Variants in NFIB observed in about 807,000 individuals in gnomAD.
NFIB encodes the protein nuclear factor I B.
A neutral mutation model predicts 61.5 loss-of-function variants in NFIB; 11 were observed. That is an observed-to-expected ratio of 0.18 (90% CI 0.11 to 0.30). The LOEUF is 0.30. NFIB is among the 10% of genes least tolerant of loss of function. NFIB has a pLI of 1.00. For missense variants in NFIB, 471 were observed against 608.9 expected (o/e 0.77, Z 2.38); for synonymous variants, 260 against 216.5 (o/e 1.20, Z -1.76).
intron 5 of NFIB, among the ~76,000 whole-genome samples, chr9:14,148,660 T>G (rs1587037477): frequency 6.6e-6 from 1 of 152,104 alleles, no homozygotes; most frequent in African/African-American, 2.4e-5. Context: ...AGACATAAGG[T>G]AAGGACGTCT....
chr9:14,366,678 G>C (rs2061303686), intron 1 of NFIB, among the ~76,000 whole-genome samples: 1 of 151,972 alleles, frequency 6.6e-6, no homozygotes, highest in South Asian at 2.1e-4. Context: ...GTAGAGATGG[G>C]TTTCACCATG....
At chr9:14,315,324 G>A (rs2060490623), upstream of NFIB, among the ~76,000 whole-genome samples, 1 of 150,954 alleles carries the variant, frequency 6.6e-6, no homozygotes, top group Admixed American at 6.6e-5. Flanking sequence ...CGTGCACGTG[G>A]CCTCGCTCTG....
At position 14,125,764 on chromosome 9, in the gene NFIB, T is replaced by A; in HGVS notation, c.928A>T (p.Met310Leu). Residue 310 changes from methionine (M) to leucine (L), a missense_variant and splice_region_variant, in exon 7 of 11, where the codon ATG becomes TTG. Met to Leu is a conservative substitution (Grantham distance 15). This residue lies in a region of NFIB where 372 missense variants were observed against 395.6 expected (regional missense o/e 0.94). Transcript: ENST00000380953. ...TTCTTCATAGTAGTCGGAGAAGACA[T>A]ATCTGCGAGAAACAGAGAAAAACCC... ...SRTWHERDQD[M>L]SSPTTMKKPE... 1 of 1,613,778 alleles carries A rather than the reference T, an allele frequency of 6.2e-7. No individual in the cohort carries two copies. Among genetic ancestry groups the A allele is most frequent in the Non-Finnish European group, 8.5e-7 (1 of 1,179,902 alleles).
chr9:14,422,516 G>T, the NFIB span, among the ~76,000 whole-genome samples: 2 of 152,140 alleles, frequency 1.3e-5, no homozygotes, highest in Non-Finnish European at 2.9e-5. Context: ...TCAATTGCAC[G>T]TGATAAGCAT....
intron 1 of NFIB, among the ~76,000 whole-genome samples, chr9:14,390,331 C>T (rs73419665): frequency 6.6e-6 from 1 of 152,200 alleles, no homozygotes; most frequent in African/African-American, 2.4e-5. Context: ...ACTTCCATAC[C>T]TGATGCCCAG....
At chr9:14,295,811 G>C (rs920478578) in intron 2 of NFIB, among the ~76,000 whole-genome samples, 2 of 152,260 alleles carry the variant, frequency 1.3e-5, no homozygotes, top group African/African-American at 4.8e-5. Flanking sequence ...ACGAGTACTT[G>C]ATAGGACACC....
chr9:14,329,105 T>G (rs1406938471), intron 1 of NFIB, among the ~76,000 whole-genome samples: 2 of 152,200 alleles, frequency 1.3e-5, no homozygotes, highest in African/African-American at 4.8e-5. Context: ...CTTAGATTTC[T>G]GACTTGCTTT....
rs577110885 is a variant in NFIB at position 14,340,309 on chromosome 9, C to T, written c.109-32789G>A. Among the ~76,000 whole-genome samples, 290 of 152,268 alleles carry T rather than the reference C, an allele frequency of 1.9e-3. 1 individual carries two copies. Among genetic ancestry groups the T allele is most frequent in the African/African-American group, 6.6e-3 (276 of 41,532 alleles). ...ATTGCATACTTAGTAAAAGAATGGG[C>T]GTTCTTCACCAAGAGGCACTATTCT... On this transcript the variant is annotated intron_variant, in intron 1 of 8. Transcript: ENST00000380934.
At chr9:14,170,923 C>A (rs1053962951) in intron 3 of NFIB, among the ~76,000 whole-genome samples, 3 of 152,148 alleles carry the variant, frequency 2.0e-5, no homozygotes, top group Admixed American at 6.5e-5. Flanking sequence ...GTGCCTACAT[C>A]AATATATTAA....
chr9:14,356,332 G>A (rs533594225), intron 1 of NFIB, among the ~76,000 whole-genome samples: 54 of 152,180 alleles, frequency 3.5e-4, no homozygotes, highest in African/African-American at 1.4e-4. Flanking sequence ...AGTGTGGCTC[G>A]GACCAAGATT....
At chr9:14,271,208 C>G (rs1409133560) in intron 2 of NFIB, among the ~76,000 whole-genome samples, 2 of 148,710 alleles carry the variant, frequency 1.3e-5, no homozygotes, top group African/African-American at 5.0e-5. Flanking sequence ...TTCTCCTCCC[C>G]CTTCTCCTCC....
intron 6 of NFIB, among the ~76,000 whole-genome samples, chr9:14,128,615 T>G (rs564703391): frequency 5.9e-5 from 9 of 151,506 alleles, no homozygotes; most frequent in Non-Finnish European, 1.2e-4. Context: ...GGAGAATCGC[T>G]TGAACCTTGG....
At chr9:14,340,283 C>A (rs2060934737) in intron 1 of NFIB, among the ~76,000 whole-genome samples, 1 of 152,180 alleles carries the variant, frequency 6.6e-6, no homozygotes, top group South Asian at 2.1e-4. Flanking sequence ...AATAGGAGTT[C>A]ATTGCATACT....
chr9:14,211,799 G>T (rs148306469), intron 2 of NFIB, among the ~76,000 whole-genome samples: 1 of 152,190 alleles, frequency 6.6e-6, no homozygotes, highest in Non-Finnish European at 1.5e-5. Context: ...ATAGCATATT[G>T]TTATTAAAAG....
At chr9:14,138,576 A>C (rs1232212792) in intron 6 of NFIB, among the ~76,000 whole-genome samples, 2 of 152,110 alleles carry the variant, frequency 1.3e-5, no homozygotes, top group Non-Finnish European at 2.9e-5. Context: ...CATTGTTCGA[A>C]ATATTCAGAT....
chr9:14,450,028 G>T, the NFIB span, among the ~76,000 whole-genome samples: 2 of 152,096 alleles, frequency 1.3e-5, no homozygotes, highest in African/African-American at 2.4e-5. Context: ...GTGCAGGTTT[G>T]TTACCTAGGT....
At chr9:14,139,121 T>C (rs951621079) in intron 6 of NFIB, among the ~76,000 whole-genome samples, 1 of 152,150 alleles carries the variant, frequency 6.6e-6, no homozygotes. Context: ...TACATACTGA[T>C]TCCCTAGGCA....
At chr9:14,471,880 G>A in the NFIB span, among the ~76,000 whole-genome samples, 3 of 152,198 alleles carry the variant, frequency 2.0e-5, no homozygotes, top group African/African-American at 7.2e-5. Context: ...GGCCTCTGAA[G>A]TGATTGATCC....
intron 2 of NFIB, among the ~76,000 whole-genome samples, chr9:14,233,169 G>C (rs922699223): frequency 3.2e-4 from 49 of 152,278 alleles, no homozygotes; most frequent in African/African-American, 8.7e-4. Flanking sequence ...ATGTAGTTTA[G>C]CCATAAAGAT....
Sources: allele counts gnomAD v4.1 joint callset (sites outside exome capture counted in the v4.1 genomes callset), GRCh38; gene constraint gnomAD v4.1.1; regional missense constraint gnomAD v4.1.1; transcripts MANE v1.5; gene names NCBI Gene and HGNC (gene_info 2026-07-23, HGNC 2026-07-21).